The following TMEM39A variants were observed in gnomAD, a reference collection of about 807,000 sequenced individuals.
The protein encoded by TMEM39A is transmembrane protein 39A, also known as suppressor of SQST-1 aggregates in rpl-43 mutants.
Under a neutral mutation model 51.9 loss-of-function variants are expected in TMEM39A, and 19 were observed. That is an observed-to-expected ratio of 0.37 (90% CI 0.26 to 0.54). The LOEUF (loss-of-function observed/expected upper bound fraction) is 0.54, where lower values mean the gene tolerates loss of function less well. Ranked by LOEUF, TMEM39A falls within the 20% of genes least tolerant of loss-of-function variation. The pLI is 0.88. For synonymous variants in TMEM39A, 197 were observed against 220.2 expected (o/e 0.89, Z 0.93); for missense variants, 433 against 590.5 (o/e 0.73, Z 2.76).
rs1438821731 is a variant in TMEM39A at position 119,452,439 on chromosome 3, A to G, written c.420+8T>C. 1.9e-6 allele frequency: 3 copies of G among 1,610,700 alleles called. No individual in the cohort carries two copies. The African/African-American group carries it at 4.0e-5, about 22-fold the overall frequency. ...ACATGTGATAGAATATAGTCAATGA[A>G]CTGTTACCTCTGAGATGAGAGCCCA... On this transcript the variant is annotated splice_region_variant and intron_variant, in intron 4 of 8. Transcript: ENST00000319172.
chr3:119,452,421 A>G, intron 4 of TMEM39A, 26 bp downstream of exon 4: 2 of 1,585,742 alleles, frequency 1.3e-6, no homozygotes, highest in Non-Finnish European at 1.7e-6. Context: ...GCTACATGTG[A>G]TAGAATATAG....
At chr3:119,451,234 G>T in intron 4 of TMEM39A, 1 of 1,280,432 alleles carries the variant, frequency 7.8e-7, no homozygotes. Flanking sequence ...AACTTCAAAT[G>T]GTTTTCAGAT....
At chr3:119,432,511 T>C (rs11923882) in intron 8 of TMEM39A, among the ~76,000 whole-genome samples, 18,104 of 152,066 alleles carry the variant, frequency 0.12, 2,674 homozygotes, top group African/African-American at 0.35. Context: ...ATTTTAGGTA[T>C]ATATTTTATT....
rs1320111443 is a variant in TMEM39A at position 119,435,022 on chromosome 3, A to G, written c.1113-140T>C. 2.9e-6 allele frequency: 4 copies of G among 1,401,580 alleles called. No homozygotes were observed. In the African/African-American group the frequency reaches 4.3e-5, roughly 15 times the overall value. The allele number at this position is 1,401,580 out of a possible 1,614,324, so 86.8% of individuals were successfully genotyped here. A position where few individuals can be genotyped will look rare whatever the true frequency, so the allele number is the denominator to read the frequency against. On this transcript the variant is annotated intron_variant, in intron 7 of 8. Transcript: ENST00000319172. ...TGAATTCTGAAAATACAGTAATTCCATGGTCAAACTGGAGTAGTTTTAGAA... is the reference window on the plus strand; with the variant it reads ...TGAATTCTGAAAATACAGTAATTCCGTGGTCAAACTGGAGTAGTTTTAGAA...
chr3:119,447,126 A>G lies in TMEM39A; in HGVS notation c.467T>C (p.Ile156Thr). ...AASMIHYMVL[I>T]SARLVLLTLC... ...AGTGAGTAGTACCAAGCGAGCTGAT[A>G]TCAGAACCATGTAGTGAATCATTGA... is the stretch of plus-strand genomic sequence containing the variant. The change falls in exon 5 of 9, where the codon ATA (isoleucine) becomes ACA (threonine). Residue 156 changes from isoleucine to threonine, a missense_variant. By Grantham distance (89) the Ile-to-Thr change is moderately conservative. Transcript: ENST00000319172. 1 of 1,614,208 alleles carries G rather than the reference A, an allele frequency of 6.2e-7. No homozygotes were observed. The highest frequency in any genetic ancestry group is 8.5e-7 in the Non-Finnish European group (1 of 1,180,020).
At chr3:119,442,858 G>A (rs1219486559) in intron 5 of TMEM39A, among the ~76,000 whole-genome samples, 2 of 151,986 alleles carry the variant, frequency 1.3e-5, no homozygotes, top group Non-Finnish European at 1.5e-5. Flanking sequence ...CTAGGAGTTC[G>A]ACACCAGCCT....
intron 5 of TMEM39A, among the ~76,000 whole-genome samples, chr3:119,438,998 G>T (rs2081013884): frequency 6.6e-6 from 1 of 151,972 alleles, no homozygotes; most frequent in South Asian, 2.1e-4. Flanking sequence ...TGTAACTCTG[G>T]TACCTCAGAT....
intron 5 of TMEM39A, among the ~76,000 whole-genome samples, chr3:119,440,006 G>A (rs573894561): frequency 2.4e-4 from 37 of 152,308 alleles, no homozygotes; most frequent in African/African-American, 8.9e-4. Flanking sequence ...GAGCTCAAGT[G>A]ATCCTACCGC....
At chr3:119,458,827 G>A (rs2081299752) in intron 2 of TMEM39A, among the ~76,000 whole-genome samples, 3 of 152,258 alleles carry the variant, frequency 2.0e-5, no homozygotes, top group Admixed American at 6.5e-5. Flanking sequence ...CTTAGGAGGC[G>A]GAGGTTGTGG....
intron 2 of TMEM39A, among the ~76,000 whole-genome samples, chr3:119,458,937 A>G (rs1177056035): frequency 8.5e-5 from 13 of 152,156 alleles, no homozygotes; most frequent in Admixed American, 8.5e-4. Context: ...AGATTTAAGA[A>G]TCTATTCAGA....
chr3:119,446,387 G>T (rs1415756578), intron 5 of TMEM39A, among the ~76,000 whole-genome samples: 1 of 152,212 alleles, frequency 6.6e-6, no homozygotes, highest in Non-Finnish European at 1.5e-5. Flanking sequence ...CTAATTGACA[G>T]GTAGCATGCA....
intron 2 of TMEM39A, among the ~76,000 whole-genome samples, chr3:119,460,305 AAAG>A (rs2081320898): frequency 6.6e-6 from 1 of 152,134 alleles, no homozygotes; most frequent in African/African-American, 2.4e-5. Flanking sequence ...AAGGCAGAGA[AAAG>A]AATACCAAAC....
intron 3 of TMEM39A, among the ~76,000 whole-genome samples, chr3:119,453,665 A>T (rs1335937256): frequency 1.3e-5 from 2 of 152,212 alleles, no homozygotes; most frequent in African/African-American, 4.8e-5. Context: ...ATGGTTTGGA[A>T]GAAGCATATT....
intron 5 of TMEM39A, among the ~76,000 whole-genome samples, chr3:119,440,306 C>T (rs1161474757): frequency 6.6e-6 from 1 of 152,138 alleles, no homozygotes; most frequent in East Asian, 1.9e-4. Flanking sequence ...CCTGCCCTAT[C>T]CCCATACTGG....
intron 5 of TMEM39A, among the ~76,000 whole-genome samples, chr3:119,443,395 A>G (rs929225017): frequency 6.6e-6 from 1 of 152,162 alleles, no homozygotes; most frequent in Non-Finnish European, 1.5e-5. Flanking sequence ...GATGTGGCCA[A>G]CTTCACTGTT....
At chr3:119,456,790 G>C (rs954634215) in intron 3 of TMEM39A, among the ~76,000 whole-genome samples, 1 of 152,078 alleles carries the variant, frequency 6.6e-6, no homozygotes, top group Non-Finnish European at 1.5e-5. Flanking sequence ...ATTTTTTGTA[G>C]AGACAAGGTC....
At chr3:119,436,666 C>T in intron 7 of TMEM39A, 125 bp downstream of exon 7, 3 of 999,204 alleles carry the variant, frequency 3.0e-6, no homozygotes, top group Non-Finnish European at 4.5e-6. Flanking sequence ...TGACAAGCAT[C>T]CATGTAAGAC....
chr3:119,462,267 A>G, intron 1 of TMEM39A, 119 bp from the exon 2 acceptor site: 1 of 547,314 alleles, frequency 1.8e-6, no homozygotes, highest in Non-Finnish European at 3.3e-6. Flanking sequence ...GAATGTTCCC[A>G]GTGTCTACTA....
intron 1 of TMEM39A, among the ~76,000 whole-genome samples, chr3:119,462,696 G>A (rs1413201671): frequency 1.4e-5 from 2 of 145,430 alleles, no homozygotes; most frequent in Admixed American, 1.4e-4. Context: ...CTGAGGAAGT[G>A]GAATGAAAGG....
Sources: gnomAD v4.1 joint callset for allele counts (sites outside exome capture counted in the v4.1 genomes callset) on GRCh38, gnomAD v4.1.1 for gene constraint, MANE v1.5 for transcripts, NCBI Gene and HGNC (gene_info 2026-07-23, HGNC 2026-07-21) for gene names.